PRKG2: variants seen among roughly 807,000 people sequenced by gnomAD.
PRKG2 encodes protein kinase cGMP-dependent 2.
In PRKG2, 33 loss-of-function variants were observed where a neutral mutation model predicts 97.2. The observed-to-expected ratio is 0.34, with a 90% CI of 0.26 to 0.45. The LOEUF (loss-of-function observed/expected upper bound fraction) is 0.45. Ranked by LOEUF, PRKG2 falls within the 20% of genes least tolerant of loss-of-function variation. PRKG2 has a pLI of 1.00. For synonymous variants in PRKG2, 330 were observed against 321.8 expected, an observed-to-expected ratio of 1.03 and a Z score of -0.27; for missense variants, 638 against 900.0, an observed-to-expected ratio of 0.71 and a Z score of 3.73.
intron 14 of PRKG2, among the ~76,000 whole-genome samples, chr4:81,124,107 C>A (rs184911466): frequency 6.6e-6 from 1 of 152,076 alleles, no homozygotes; most frequent in Non-Finnish European, 1.5e-5. Context: ...TTAAGCATAT[C>A]CTTTGTATGT....
chr4:81,171,487 G>A (rs751218318), intron 4 of PRKG2, among the ~76,000 whole-genome samples: 1 of 152,044 alleles, frequency 6.6e-6, no homozygotes, highest in Non-Finnish European at 1.5e-5. Flanking sequence ...TTTATACACA[G>A]GTATCCAGAA....
At chr4:81,190,181 G>T (rs28782932) in intron 2 of PRKG2, among the ~76,000 whole-genome samples, 34,364 of 151,912 alleles carry the variant, frequency 0.23, 7,745 homozygotes, top group African/African-American at 0.58. Flanking sequence ...CAAACTATTG[G>T]ACATGGCTAT....
At position 81,135,208 on chromosome 4, in the gene PRKG2, T is replaced by C; in HGVS notation, c.1723A>G (p.Arg575Gly). ...ATTAAGTTTTCTGGTTTCAAGTCTCTGTAGATAATACCTAGTCGATGCAGG... is the reference window on the plus strand; with the variant it reads ...ATTAAGTTTTCTGGTTTCAAGTCTCCGTAGATAATACCTAGTCGATGCAGG... The part of the protein sequence containing the change: ...DYLHRLGIIY[R>G]DLKPENLILD... Residue 575 changes from arginine to glycine, a missense_variant, in exon 14 of 19, where the codon AGA becomes GGA. Arg to Gly is a moderately radical substitution (Grantham distance 125). This residue lies in a region of PRKG2 where 304 missense variants were observed against 460.5 expected (regional missense o/e 0.66). Coordinates refer to ENST00000264399, the MANE Select transcript of PRKG2 (RefSeq NM_006259.3). The C allele has an allele frequency of 1.2e-6, 2 of 1,612,354 alleles. No individual in the cohort carries two copies. Among genetic ancestry groups the C allele is most frequent in the African/African-American group, 2.7e-5 (2 of 74,994 alleles).
intron 1 of PRKG2, among the ~76,000 whole-genome samples, chr4:81,208,293 A>G (rs1457460821): frequency 2.0e-5 from 3 of 152,202 alleles, no homozygotes; most frequent in African/African-American, 7.2e-5. Flanking sequence ...GAAGTAGGTA[A>G]GCAGCTCTTA....
intron 2 of PRKG2, among the ~76,000 whole-genome samples, chr4:81,179,847 G>A (rs1345798602): frequency 6.6e-6 from 1 of 152,064 alleles, no homozygotes; most frequent in Non-Finnish European, 1.5e-5. Context: ...TAACTAGAAA[G>A]CTAACAAGGA....
intron 14 of PRKG2, among the ~76,000 whole-genome samples, chr4:81,128,370 C>G (rs2110015445): frequency 6.6e-6 from 1 of 152,298 alleles, no homozygotes; most frequent in South Asian, 2.1e-4. Flanking sequence ...AGGAGTTCCT[C>G]TTTTTCTATT....
intron 11 of PRKG2, among the ~76,000 whole-genome samples, chr4:81,141,686 C>T (rs1249146455): frequency 6.6e-6 from 1 of 152,200 alleles, no homozygotes; most frequent in African/African-American, 2.4e-5. Context: ...CTGCCCATGA[C>T]TTTTAAATCA....
intron 2 of PRKG2, among the ~76,000 whole-genome samples, chr4:81,186,651 G>T (rs558858874): frequency 6.6e-6 from 1 of 151,810 alleles, no homozygotes; most frequent in Non-Finnish European, 1.5e-5. Flanking sequence ...AAAGAGACAT[G>T]AAAAACCCTT....
chr4:81,135,084 T>C, intron 14 of PRKG2, 71 bp downstream of exon 14: 1 of 1,415,632 alleles, frequency 7.1e-7, no homozygotes, highest in Non-Finnish European at 9.5e-7. Flanking sequence ...AAAAGAAAAT[T>C]GCAACTAGAA....
At chr4:81,164,567 T>C (rs1401730287) in intron 6 of PRKG2, among the ~76,000 whole-genome samples, 4 of 152,074 alleles carry the variant, frequency 2.6e-5, no homozygotes, top group Non-Finnish European at 4.4e-5. Context: ...TTGCAAACTC[T>C]AAACATTCAT....
At chr4:81,174,746 A>G (rs369951769) in intron 3 of PRKG2, 47 bp downstream of exon 3, 90 of 1,519,430 alleles carry the variant, frequency 5.9e-5, no homozygotes, top group Non-Finnish European at 7.9e-5. Context: ...GAAAATCATA[A>G]CAGGCAAAAT....
rs1010129584 is a variant in PRKG2 at position 81,154,946 on chromosome 4, G to T, written c.913-1225C>A. Among the ~76,000 whole-genome samples the T allele has an allele frequency of 6.3e-4, 96 of 152,062 alleles. 1 individual carries two copies. The highest frequency in any genetic ancestry group is 2.3e-3 in the African/African-American group (94 of 41,446). ...TCCCAGCACTTTGGGAGGCCGAGGCGGGCAGATCACGAGGTCAGGAGATCG... is the reference window on the plus strand; with the variant it reads ...TCCCAGCACTTTGGGAGGCCGAGGCTGGCAGATCACGAGGTCAGGAGATCG... On this transcript the variant is annotated intron_variant, in intron 6 of 18. Coordinates refer to ENST00000264399, the MANE Select transcript of PRKG2 (RefSeq NM_006259.3).
intron 2 of PRKG2, among the ~76,000 whole-genome samples, chr4:81,197,831 C>T (rs978508709): frequency 2.6e-5 from 4 of 151,690 alleles, no homozygotes; most frequent in African/African-American, 7.3e-5. Context: ...GGGAAGCAAA[C>T]GTGGAAGAAA....
At chr4:81,110,360 G>A (rs537767081) in intron 15 of PRKG2, 88 bp downstream of exon 15, 80 of 1,342,338 alleles carry the variant, frequency 6.0e-5, no homozygotes, top group African/African-American at 3.4e-4. Flanking sequence ...AAAATGTTAC[G>A]CTCTTAAAGT....
At chr4:81,202,035 G>A (rs905850125) in intron 2 of PRKG2, among the ~76,000 whole-genome samples, 7 of 152,160 alleles carry the variant, frequency 4.6e-5, no homozygotes, top group African/African-American at 1.7e-4. Context: ...TATGACTGAT[G>A]ATCTTAAAAT....
chr4:81,129,881 T>C (rs954213415), intron 14 of PRKG2, among the ~76,000 whole-genome samples: 7 of 152,212 alleles, frequency 4.6e-5, no homozygotes, highest in African/African-American at 1.4e-4. Flanking sequence ...ATTATGATGA[T>C]AGCTGCTTAT....
At position 81,110,573 on chromosome 4, in the gene PRKG2, C is replaced by T. The variant is rs767945000; in HGVS notation, c.1815G>A (p.Gln605=). ...GAGTCCCACAGAATGTCCATGTTTT[C>T]TGTCCAGACCCTATTTTCTTCGCAA... ...FGFAKKIGSG[Q]KTWTFCGTPE... Residue 605 remains glutamine (Q), a synonymous_variant, in exon 15 of 19, where the codon CAG becomes CAA. Coordinates refer to ENST00000264399, the MANE Select transcript of PRKG2 (RefSeq NM_006259.3). 6.2e-7 allele frequency: 1 copy of T among 1,613,704 alleles called. No individual in the cohort carries two copies. Among genetic ancestry groups the T allele is most frequent in the South Asian group, 1.1e-5 (1 of 91,052 alleles).
intron 2 of PRKG2, among the ~76,000 whole-genome samples, chr4:81,201,948 C>G (rs554956304): frequency 6.6e-6 from 1 of 152,172 alleles, no homozygotes; most frequent in South Asian, 2.1e-4. Context: ...ACAGATTTAG[C>G]CATAAATTCA....
At chr4:81,190,726 G>T (rs1466444075) in intron 2 of PRKG2, among the ~76,000 whole-genome samples, 1 of 151,780 alleles carries the variant, frequency 6.6e-6, no homozygotes, top group Non-Finnish European at 1.5e-5. Flanking sequence ...CCAAATAACT[G>T]AAACAAATCT....
Sources: gnomAD v4.1 joint callset for allele counts (sites outside exome capture counted in the v4.1 genomes callset) on GRCh38, gnomAD v4.1.1 for gene constraint, gnomAD v4.1.1 regional missense constraint, MANE v1.5 for transcripts, NCBI Gene and HGNC (gene_info 2026-07-23, HGNC 2026-07-21) for gene names.